The following CLUH variants were observed in gnomAD, a reference collection of about 807,000 sequenced individuals.
CLUH encodes the protein CLUH binding protein of NUMT mRNA, also known as clustered mitochondria protein homolog.
In CLUH, 77 loss-of-function variants were observed where a neutral mutation model predicts 139.3. That is an observed-to-expected ratio of 0.55 (90% CI 0.46 to 0.67). The LOEUF is 0.67. CLUH is among the 30% of genes least tolerant of loss of function. The pLI is 0.00. For synonymous variants in CLUH, 999 were observed against 801.6 expected (o/e 1.25, Z -4.16); for missense variants, 1,876 against 1,875.8 (o/e 1.00, Z 0.00).
intron 1 of CLUH, among the ~76,000 whole-genome samples, chr17:2,709,871 G>A (rs1022050541): frequency 6.6e-6 from 1 of 152,140 alleles, no homozygotes; most frequent in African/African-American, 2.4e-5. Context: ...CAGGGACGTA[G>A]GAGCCCATGT....
chr17:2,705,886 G>A (rs1054006962), intron 1 of CLUH, among the ~76,000 whole-genome samples: 4 of 152,190 alleles, frequency 2.6e-5, no homozygotes, highest in African/African-American at 4.8e-5. Flanking sequence ...CCCCTGTTCC[G>A]CTGAGGAGCC....
chr17:2,701,392 C>A lies in CLUH; in HGVS notation c.873G>T (p.Ala291=), dbSNP rs774262098. ...TAEDRQVSIT[A]STRGFYLNQS... ...GATTCAGGTAAAAGCCCCGTGTGGA[C>A]GCGGTGATGCTGACTTGCCGGTCCT... Residue 291 remains alanine, a synonymous_variant, in exon 6 of 26, where the codon GCG becomes GCT. Coordinates refer to ENST00000651024, the MANE Select transcript of CLUH (RefSeq NM_001366661.1). The A allele has an allele frequency of 1.9e-6, 3 of 1,609,246 alleles. No individual in the cohort carries two copies. Among genetic ancestry groups the A allele is most frequent in the African/African-American group, 2.7e-5 (2 of 74,800 alleles).
intron 22 of CLUH, 80 bp downstream of exon 22, chr17:2,692,281 G>A (rs2069722316): frequency 2.0e-6 from 3 of 1,465,338 alleles, no homozygotes; most frequent in African/African-American, 1.4e-5. Context: ...GAAGACAGGA[G>A]CACTGGGTCT....
intron 17 of CLUH, 21 bp downstream of exon 17, chr17:2,694,449 ACACAGCGGGG>A (rs752279712): frequency 1.7e-4 from 264 of 1,517,944 alleles, no homozygotes; most frequent in Non-Finnish European, 2.2e-4. Flanking sequence ...CACAGCGGGG[ACACAGCGGGG>A]ATGCTGTGAG....
At chr17:2,711,533 A>C (rs2070524068) in intron 1 of CLUH, 29 bp downstream of exon 1, 5 of 259,628 alleles carry the variant, frequency 1.9e-5, no homozygotes, top group Non-Finnish European at 2.3e-5. Flanking sequence ...CCCCCCGCCC[A>C]GCGGCCCGCT....
intron 7 of CLUH, 79 bp from the exon 8 acceptor site, chr17:2,700,904 C>T: frequency 6.8e-7 from 1 of 1,471,224 alleles, no homozygotes; most frequent in Non-Finnish European, 9.0e-7. Context: ...TCTGAGGCCC[C>T]CGCCTGCTCC....
chr17:2,709,452 T>G (rs1326685419), intron 1 of CLUH, among the ~76,000 whole-genome samples: 2 of 151,872 alleles, frequency 1.3e-5, no homozygotes, highest in Non-Finnish European at 2.9e-5. Flanking sequence ...TCTCCCCACA[T>G]CCCATCCAAG....
At chr17:2,709,158 C>T (rs1166434714) in intron 1 of CLUH, among the ~76,000 whole-genome samples, 5 of 152,162 alleles carry the variant, frequency 3.3e-5, no homozygotes, top group Non-Finnish European at 7.4e-5. Flanking sequence ...TCCCAGAGGA[C>T]CTGTGTGCTG....
chr17:2,690,672 G>T lies in CLUH; in HGVS notation c.3969C>A (p.Pro1323=). ...GGTCTCCTGGGGCCCCCGCTGGCGC[G>T]GGCTCGGTAGCCATGGGCTCCTCGG... The part of the protein sequence containing the change: ...DRAEEPMATE[P]APAGAPGDLG... Residue 1323 remains proline (P), a synonymous_variant, in exon 26 of 26, where the codon CCC becomes CCA. Transcript: ENST00000651024. 1 of 1,553,938 alleles carries T rather than the reference G, an allele frequency of 6.4e-7. No individual in the cohort carries two copies. Among genetic ancestry groups the T allele is most frequent in the Admixed American group, 2.1e-5 (1 of 47,118 alleles).
chr17:2,711,780 C>T (rs905180673), upstream of CLUH: 2 of 290,034 alleles, frequency 6.9e-6, no homozygotes, highest in Non-Finnish European at 1.0e-5. Context: ...ACGTGGTGCG[C>T]GCCGTGGCCT....
chr17:2,707,800 A>G lies in CLUH; in HGVS notation c.101-3236T>C, dbSNP rs2070391836. ...TGAGCACCCCACTGTCCCTGGGCCA[A>G]GGGCCTGGCTGGGACCTCTGGCTCC... On this transcript the variant is annotated intron_variant, in intron 1 of 25. Coordinates refer to ENST00000651024, the MANE Select transcript of CLUH (RefSeq NM_001366661.1). This position sits in a 1 kb window ranked among gnomAD's most constrained non-coding sequence, Gnocchi z 7.4. 1 of 985,324 alleles carries G rather than the reference A, an allele frequency of 1.0e-6. No individual in the cohort carries two copies. The highest frequency in any genetic ancestry group is 1.7e-5 in the African/African-American group (1 of 57,246). The allele number at this position is 985,324 out of a possible 1,614,324, so 61.0% of individuals were successfully genotyped here.
chr17:2,697,769 TGGCTAGACGGAGCC>T, intron 10 of CLUH, 113 bp downstream of exon 10: 1 of 916,498 alleles, frequency 1.1e-6, no homozygotes, highest in South Asian at 1.9e-5. Context: ...CCAATGACTG[TGGCTAGACGGAGCC>T]CTTCTTCACT....
rs1278335823 is a variant in CLUH at position 2,692,857 on chromosome 17, G to A, written c.3235C>T (p.Leu1079=). 2 of 1,592,842 alleles carry A rather than the reference G, an allele frequency of 1.3e-6. No individual in the cohort carries two copies. Among genetic ancestry groups the A allele is most frequent in the Non-Finnish European group, 8.6e-7 (1 of 1,167,066 alleles). Residue 1079 remains leucine (L), a synonymous_variant, in exon 20 of 26, where the codon CTG becomes TTG. Coordinates refer to ENST00000651024, the MANE Select transcript of CLUH (RefSeq NM_001366661.1). ...HYIMGDYAEA[L]SNQQKAVLMS... ...AGCACCGCCTTCTGCTGGTTACTCAGGGCCTGGGGAGAGACAGTGGTGGTT... is the reference window on the plus strand; with the variant it reads ...AGCACCGCCTTCTGCTGGTTACTCAAGGCCTGGGGAGAGACAGTGGTGGTT...
In CLUH at chr17:2,706,304, G is replaced by A. The variant is rs1224156473; in HGVS notation, c.101-1740C>T. On this transcript the variant is annotated intron_variant, in intron 1 of 25. Coordinates refer to ENST00000651024, the MANE Select transcript of CLUH (RefSeq NM_001366661.1). This position sits in a 1 kb window ranked among gnomAD's most constrained non-coding sequence, Gnocchi z 4.6. ...GATCCCCACGAGCAAACGAGAAACA[G>A]GACCTCTAAGAGCTCAGAGTCTCTT... 6.6e-6 allele frequency among the ~76,000 whole-genome samples: 1 copy of A among 152,100 alleles called. No individual in the cohort carries two copies. The highest frequency in any genetic ancestry group is 1.5e-5 in the Non-Finnish European group (1 of 68,040).
chr17:2,705,579 A>G (rs981104617), intron 1 of CLUH, among the ~76,000 whole-genome samples: 1 of 151,986 alleles, frequency 6.6e-6, no homozygotes, highest in African/African-American at 2.4e-5. Context: ...GGCCTAGGAG[A>G]AATAAACCTT....
rs894873703 is a variant in CLUH, at chr17:2,695,458, C to G, written c.2460G>C (p.Gln820His). Residue 820 changes from glutamine (Q) to histidine (H), a missense_variant, in exon 14 of 26, where the codon CAG (glutamine) becomes CAC (histidine). Gln to His is a conservative substitution (Grantham distance 24). Around this residue, in one of 3 missense-constraint regions of CLUH, gnomAD observed 1,454 missense variants for 1,384.4 expected, o/e 1.05. Transcript: ENST00000651024. Reference protein sequence around the residue: ...DGATLAEVMRQRGINMRYLGK... With the variant: ...DGATLAEVMRHRGINMRYLGK... ...CCAGGTAGCGCATGTTGATGCCCCG[C>G]TGGCGCATCACCTCTGCCAGCGTTG... 1.9e-6 allele frequency: 3 copies of G among 1,611,698 alleles called. No individual in the cohort carries two copies.
In CLUH at chr17:2,703,939, C is replaced by T. The variant is rs2070268515; in HGVS notation, c.303+423G>A. On this transcript the variant is annotated intron_variant, in intron 2 of 25. Coordinates refer to ENST00000651024, the MANE Select transcript of CLUH (RefSeq NM_001366661.1). The surrounding 1 kb of genome is among the most constrained non-coding windows in gnomAD (Gnocchi z 4.2). The stretch of plus-strand genomic sequence containing the variant: ...ACATACGACGACCCTGTCTCGTTCC[C>T]CACTGAGTCACCGGCTTGCAAGACC... Among the ~76,000 whole-genome samples the T allele has an allele frequency of 6.6e-6, 1 of 152,192 alleles. No homozygotes were observed. The highest frequency in any genetic ancestry group is 6.5e-5 in the Admixed American group (1 of 15,282).
rs202041659 is a variant in CLUH at position 2,696,875 on chromosome 17, G to C, written c.2029C>G (p.Pro677Ala). 6.2e-7 allele frequency: 1 copy of C among 1,613,088 alleles called. No homozygotes were observed. The highest frequency in any genetic ancestry group is 1.7e-5 in the Admixed American group (1 of 59,944). ...GGACCACCATTTTCCAGGGAGGAGG[G>C]GGTCTCCAGCTGGCTGGCGTTCTGC... ...MQQNASQLET[P>A]SSLENGGPSS... Residue 677 changes from proline to alanine, a missense_variant, in exon 11 of 26, where the codon CCC becomes GCC. Coordinates refer to ENST00000651024, the MANE Select transcript of CLUH (RefSeq NM_001366661.1).
Position 2,690,619 on chromosome 17 carries a change from T to A in CLUH, c.4022A>T (p.Asp1341Val). 6.7e-7 allele frequency: 1 copy of A among 1,498,828 alleles called. No individual in the cohort carries two copies. The highest frequency in any genetic ancestry group is 2.6e-5 in the East Asian group (1 of 38,312). The allele number at this position is 1,498,828 out of a possible 1,614,324, so 92.8% of individuals were successfully genotyped here. A position where few individuals can be genotyped will look rare whatever the true frequency, so the allele number is the denominator to read the frequency against. ...CTATCCCTGCACGCTCGGAGAAGGG[T>A]CCTTGGCAGCCGGGGGCTGGGAGCC... ...DLGSQPPAAK[D>V]PSPSVQG is the part of the protein sequence containing the mutation. Residue 1341 changes from aspartate to valine, a missense_variant, in exon 26 of 26, where the codon GAC (aspartate) becomes GTC (valine). By Grantham distance (152) the Asp-to-Val change is radical. Transcript: ENST00000651024.
Sources: gnomAD v4.1 joint callset for allele counts (sites outside exome capture counted in the v4.1 genomes callset) on GRCh38, gnomAD v4.1.1 for gene constraint, gnomAD v4.1.1 regional missense constraint, Gnocchi (gnomAD v3.1) non-coding constraint, MANE v1.5 for transcripts, NCBI Gene and HGNC (gene_info 2026-07-23, HGNC 2026-07-21) for gene names.